Variants in LRRC61 observed in about 807,000 individuals in gnomAD.
LRRC61 encodes leucine rich repeat containing 61.
A neutral mutation model predicts 15.1 loss-of-function variants in LRRC61; 9 were observed. The ratio of observed to expected loss-of-function variants is 0.60; its 90% confidence interval spans 0.36 to 1.04. The LOEUF (loss-of-function observed/expected upper bound fraction) is 1.04, where lower values mean the gene tolerates loss of function less well. Ranked by LOEUF, LRRC61 falls within the 50% of genes least tolerant of loss-of-function variation. The pLI is 0.01. For missense variants in LRRC61, 344 were observed against 335.6 expected (o/e 1.03, Z -0.20); for synonymous variants, 173 against 158.6 (o/e 1.09, Z -0.68).
the LRRC61 span, among the ~76,000 whole-genome samples, chr7:150,311,392 G>A: frequency 2.2e-4 from 33 of 152,246 alleles, no homozygotes; most frequent in East Asian, 3.5e-3. Context: ...GCTTTAATAC[G>A]TCTAGAGGCC....
At chr7:150,314,690 C>T in the LRRC61 span, among the ~76,000 whole-genome samples, 1 of 151,358 alleles carries the variant, frequency 6.6e-6, no homozygotes, top group Non-Finnish European at 1.5e-5. Context: ...TGCCTGTAAT[C>T]CCAGTACTTG....
the LRRC61 span, among the ~76,000 whole-genome samples, chr7:150,316,876 T>C: frequency 6.6e-6 from 1 of 152,220 alleles, no homozygotes; most frequent in South Asian, 2.1e-4. Context: ...ATCTTTTAGA[T>C]ATTTAGTCCT....
chr7:150,328,032 G>A (rs117223592), intron 2 of LRRC61, among the ~76,000 whole-genome samples: 3 of 152,266 alleles, frequency 2.0e-5, no homozygotes, highest in Non-Finnish European at 2.9e-5. Flanking sequence ...ATTGACTCAG[G>A]TTTGGAACAA....
At chr7:150,334,479 G>C (rs971571721) in intron 2 of LRRC61, among the ~76,000 whole-genome samples, 1 of 152,126 alleles carries the variant, frequency 6.6e-6, no homozygotes, top group Non-Finnish European at 1.5e-5. Flanking sequence ...TGGGAGGGGT[G>C]CCTGCTCCTG....
chr7:150,317,753 A>G, the LRRC61 span, among the ~76,000 whole-genome samples: 1 of 152,180 alleles, frequency 6.6e-6, no homozygotes, highest in South Asian at 2.1e-4. Context: ...ATCTATTTCT[A>G]TTTCACTACA....
upstream of LRRC61, among the ~76,000 whole-genome samples, chr7:150,321,336 A>G (rs1219802203): frequency 6.6e-6 from 1 of 152,222 alleles, no homozygotes; most frequent in Non-Finnish European, 1.5e-5. Context: ...TTTTTCTTTT[A>G]GTGCCATTTC....
At position 150,337,223 on chromosome 7, in the gene LRRC61, T is replaced by C; in HGVS notation, c.362T>C (p.Leu121Pro). The C allele has an allele frequency of 6.2e-7, 1 of 1,605,146 alleles. No homozygotes were observed. The highest frequency in any genetic ancestry group is 8.5e-7 in the Non-Finnish European group (1 of 1,179,896). The change falls in exon 3 of 3, where the codon CTA becomes CCA. Residue 121 changes from leucine (L) to proline (P), a missense_variant. Physicochemically the swap from Leu to Pro is moderately conservative, Grantham distance 98. Transcript: ENST00000359623. ...GGCCAGCTGCAGTGTCTGGCTGGGC[T>C]ACCGTGCCTGGAGTACCTGCGGCTC... ...TPGQLQCLAG[L>P]PCLEYLRLRD...
chr7:150,312,624 G>C, the LRRC61 span, among the ~76,000 whole-genome samples: 3 of 152,198 alleles, frequency 2.0e-5, no homozygotes, highest in Non-Finnish European at 4.4e-5. Context: ...TAGCTACATA[G>C]AAATGCACCT....
In LRRC61 at chr7:150,337,097, T is replaced by A. The variant is rs1798323958; in HGVS notation, c.236T>A (p.Val79Glu). Residue 79 changes from valine to glutamate, a missense_variant, in exon 3 of 3, where the codon GTG becomes GAG. Transcript: ENST00000359623. Reference protein sequence around the residue: ...GPLASLRQLAVLNVSNNRLTG... With the variant: ...GPLASLRQLAELNVSNNRLTG... Reference sequence around the variant, plus strand: ...CTGGCCTCCTTGCGCCAGCTAGCTGTGCTCAATGTCTCCAACAATCGGCTG... The same window carrying A: ...CTGGCCTCCTTGCGCCAGCTAGCTGAGCTCAATGTCTCCAACAATCGGCTG... 1 of 1,612,572 alleles carries A rather than the reference T, an allele frequency of 6.2e-7. No homozygotes were observed. The highest frequency in any genetic ancestry group is 1.7e-5 in the Admixed American group (1 of 60,006).
At position 150,336,784 on chromosome 7, in the gene LRRC61, G is replaced by A; in HGVS notation, c.-78G>A. 5.9e-6 allele frequency: 9 copies of A among 1,531,316 alleles called. No individual in the cohort carries two copies. Among genetic ancestry groups the A allele is most frequent in the Non-Finnish European group, 7.9e-6 (9 of 1,140,224 alleles). The allele number at this position is 1,531,316 out of a possible 1,614,324, so 94.9% of individuals were successfully genotyped here. A position where few individuals can be genotyped will look rare whatever the true frequency, so the allele number is the denominator to read the frequency against. Reference sequence around the variant, plus strand: ...TGGCACTGGCCTGGGTAGAGCCAGGGCGAGCACCAGCTGACCCCCAGTGGA... The same window carrying A: ...TGGCACTGGCCTGGGTAGAGCCAGGACGAGCACCAGCTGACCCCCAGTGGA... On this transcript the variant is annotated 5_prime_UTR_variant, in exon 3 of 3. Coordinates refer to ENST00000359623, the MANE Select transcript of LRRC61 (RefSeq NM_001142928.2).
chr7:150,311,962 A>G, the LRRC61 span, among the ~76,000 whole-genome samples: 3 of 152,324 alleles, frequency 2.0e-5, no homozygotes, highest in Middle Eastern at 3.4e-3. Context: ...CTCACCACAC[A>G]GGGCTCTTCC....
the LRRC61 span, among the ~76,000 whole-genome samples, chr7:150,315,409 A>G: frequency 6.6e-6 from 1 of 152,222 alleles, no homozygotes; most frequent in African/African-American, 2.4e-5. Context: ...CTACAAATCA[A>G]TCAGGAAAAG....
intron 2 of LRRC61, among the ~76,000 whole-genome samples, chr7:150,334,266 T>C (rs1346137871): frequency 6.6e-6 from 1 of 152,152 alleles, no homozygotes; most frequent in Non-Finnish European, 1.5e-5. Flanking sequence ...AGTGGCTGTG[T>C]CTCCAGCCTC....
intron 1 of LRRC61, among the ~76,000 whole-genome samples, chr7:150,324,086 G>T (rs1000063409): frequency 6.6e-6 from 1 of 152,216 alleles, no homozygotes; most frequent in African/African-American, 2.4e-5. Flanking sequence ...AACATGCAAT[G>T]GCTTGCTCTC....
upstream of LRRC61, chr7:150,323,180 C>T (rs1214263624): frequency 1.8e-5 from 4 of 216,640 alleles, no homozygotes; most frequent in East Asian, 3.7e-4. Flanking sequence ...CGCACCGCCT[C>T]GCTGCCCACG....
At chr7:150,310,402 C>T in the LRRC61 span, among the ~76,000 whole-genome samples, 1 of 152,156 alleles carries the variant, frequency 6.6e-6, no homozygotes, top group African/African-American at 2.4e-5. Flanking sequence ...TACAGCATGG[C>T]CTTTTAAAGC....
chr7:150,331,145 C>G, intron 2 of LRRC61: 5 of 1,571,904 alleles, frequency 3.2e-6, no homozygotes, highest in Non-Finnish European at 4.3e-6. Context: ...AACAGCCCCA[C>G]CCTTGTAGAG....
Position 150,330,985 on chromosome 7 carries a change from T to G in LRRC61, c.-145+4975T>G. The G allele has an allele frequency of 6.2e-7, 1 of 1,611,820 alleles. No individual in the cohort carries two copies. The highest frequency in any genetic ancestry group is 8.5e-7 in the Non-Finnish European group (1 of 1,179,932). The stretch of plus-strand genomic sequence containing the variant: ...TCCACCAAGAGCCACTGGGCCAGCA[T>G]CATTGTCAAGAAGTATCTGTGGGAG... On this transcript the variant is annotated intron_variant, in intron 2 of 2. Transcript: ENST00000359623. This position sits in a 1 kb window ranked among gnomAD's most constrained non-coding sequence, Gnocchi z 4.6.
At chr7:150,324,871 C>T (rs925293814) in intron 1 of LRRC61, among the ~76,000 whole-genome samples, 1 of 152,178 alleles carries the variant, frequency 6.6e-6, no homozygotes, top group Non-Finnish European at 1.5e-5. Flanking sequence ...GTACCGCCCA[C>T]TGAAGGGACC....
Sources: gnomAD v4.1 joint callset for allele counts (sites outside exome capture counted in the v4.1 genomes callset) on GRCh38, gnomAD v4.1.1 for gene constraint, Gnocchi (gnomAD v3.1) non-coding constraint, MANE v1.5 for transcripts, NCBI Gene and HGNC (gene_info 2026-07-23, HGNC 2026-07-21) for gene names.